Variants in HMCN1 observed in about 807,000 individuals in gnomAD.
The protein encoded by HMCN1 is hemicentin 1.
In HMCN1, 321 loss-of-function variants were observed where a neutral mutation model predicts 625.9. The observed-to-expected ratio is 0.51, with a 90% CI of 0.47 to 0.56. The LOEUF (loss-of-function observed/expected upper bound fraction) is 0.56, where lower values mean the gene tolerates loss of function less well. Among genes scored for constraint, HMCN1 ranks in the 20% least tolerant of loss-of-function variants. The probability of loss-of-function intolerance (pLI) is 0.00; values close to 1 mark genes in which losing one functional copy is unlikely to be tolerated. For missense variants in HMCN1, 6,588 were observed against 6,887.3 expected, an observed-to-expected ratio of 0.96 and a Z score of 1.54; for synonymous variants, 2,425 against 2,417.6, an observed-to-expected ratio of 1.00 and a Z score of -0.09.
chr1:185,794,502 A>G lies in HMCN1; in HGVS notation c.269-51524A>G, dbSNP rs182249738. On this transcript the variant is annotated intron_variant, in intron 1 of 106. Coordinates refer to ENST00000271588, the MANE Select transcript of HMCN1 (RefSeq NM_031935.3). Reference sequence around the variant, plus strand: ...AAAAAGAAAAAAAAGAAAAAAAAAGAAAAAAAAGAGAACTTGGAGTTTGAT... The same window carrying G: ...AAAAAGAAAAAAAAGAAAAAAAAAGGAAAAAAAGAGAACTTGGAGTTTGAT... Among the ~76,000 whole-genome samples, 823 of 146,864 alleles carry G rather than the reference A, an allele frequency of 5.6e-3. 6 individuals carry two copies. The highest frequency in any genetic ancestry group is 0.021 in the African/African-American group (783 of 36,758).
At chr1:186,142,539 G>A (rs1245977299) in intron 89 of HMCN1, among the ~76,000 whole-genome samples, 4 of 152,142 alleles carry the variant, frequency 2.6e-5, no homozygotes, top group Non-Finnish European at 5.9e-5. Flanking sequence ...GGATTGCAGG[G>A]TCAAATGGTA....
intron 6 of HMCN1, among the ~76,000 whole-genome samples, chr1:185,921,266 C>A (rs1269569071): frequency 6.6e-6 from 1 of 152,026 alleles, no homozygotes; most frequent in Non-Finnish European, 1.5e-5. Context: ...TTTCTTCTTT[C>A]TCCCCTTCAT....
chr1:185,818,911 CTTT>C (rs200463566), intron 1 of HMCN1, among the ~76,000 whole-genome samples: 2 of 143,750 alleles, frequency 1.4e-5, no homozygotes, highest in Non-Finnish European at 1.5e-5. Flanking sequence ...GCAATTTTAC[CTTT>C]TTTTTTTTTG....
intron 1 of HMCN1, among the ~76,000 whole-genome samples, chr1:185,836,090 T>A (rs1027805729): frequency 3.9e-5 from 6 of 152,152 alleles, no homozygotes; most frequent in African/African-American, 1.4e-4. Flanking sequence ...CTCACAACAT[T>A]AACAGATAAT....
chr1:186,074,672 T>C, intron 52 of HMCN1, 69 bp from the exon 53 acceptor site: 1 of 1,365,638 alleles, frequency 7.3e-7, no homozygotes, highest in Non-Finnish European at 1.0e-6. Context: ...ACAAAAACTA[T>C]CAACTGCATG....
Position 185,776,778 on chromosome 1 carries a change from A to G in HMCN1, c.268+41731A>G, listed in dbSNP as rs186921708. On this transcript the variant is annotated intron_variant, in intron 1 of 106. Coordinates refer to ENST00000271588, the MANE Select transcript of HMCN1 (RefSeq NM_031935.3). ...ATATGAATGGCATGTATGTTTCCCT[A>G]TAAGTGGTTGCCTGTTTCAGATGTT... is the stretch of plus-strand genomic sequence containing the variant. Among the ~76,000 whole-genome samples, 21 of 152,336 alleles carry G rather than the reference A, an allele frequency of 1.4e-4. No individual in the cohort carries two copies. The East Asian group carries it at 3.7e-3, about 27-fold the overall frequency.
At chr1:185,790,380 G>T (rs1031280704) in intron 1 of HMCN1, among the ~76,000 whole-genome samples, 1 of 152,146 alleles carries the variant, frequency 6.6e-6, no homozygotes, top group Non-Finnish European at 1.5e-5. Flanking sequence ...AGACTGTGAT[G>T]CTACCACTGC....
chr1:185,819,808 C>G (rs1660075350), intron 1 of HMCN1, among the ~76,000 whole-genome samples: 1 of 152,158 alleles, frequency 6.6e-6, no homozygotes, highest in Admixed American at 6.5e-5. Flanking sequence ...CTGGGTGTTT[C>G]CATGGTGGAA....
At chr1:185,985,528 G>A (rs11800686) in intron 19 of HMCN1, among the ~76,000 whole-genome samples, 4,602 of 152,260 alleles carry the variant, frequency 0.03, 244 homozygotes, top group African/African-American at 0.1. Flanking sequence ...TCAGAGGGGC[G>A]AGGATACAGA....
chr1:186,179,563 T>C lies in HMCN1; in HGVS notation c.16294+797T>C, dbSNP rs577592535. 2.6e-5 allele frequency among the ~76,000 whole-genome samples: 4 copies of C among 152,248 alleles called. No homozygotes were observed. The East Asian group carries it at 7.7e-4, about 29-fold the overall frequency. ...AAGCAGGAATTAGTTTTACTATTTG[T>C]TAGCTGGAAAAAATAAGCAAAGAAA... is the stretch of plus-strand genomic sequence containing the variant. On this transcript the variant is annotated intron_variant, in intron 104 of 106. Transcript: ENST00000271588.
At chr1:186,179,536 G>A (rs914626729) in intron 104 of HMCN1, among the ~76,000 whole-genome samples, 1 of 152,074 alleles carries the variant, frequency 6.6e-6, no homozygotes, top group African/African-American at 2.4e-5. Flanking sequence ...AGGGGAATTA[G>A]CAAGCAGGAA....
intron 4 of HMCN1, among the ~76,000 whole-genome samples, chr1:185,905,024 G>T (rs1666019286): frequency 6.6e-6 from 1 of 151,630 alleles, no homozygotes. Flanking sequence ...AAAATCCTAA[G>T]CTAACCAACT....
intron 1 of HMCN1, among the ~76,000 whole-genome samples, chr1:185,771,245 G>T (rs1346918622): frequency 6.6e-6 from 1 of 152,172 alleles, no homozygotes; most frequent in Admixed American, 6.6e-5. Flanking sequence ...ATGCAATTAA[G>T]ATTCTCTACA....
chr1:185,952,845 C>G (rs1649317731), intron 11 of HMCN1, among the ~76,000 whole-genome samples: 1 of 150,890 alleles, frequency 6.6e-6, no homozygotes, highest in Non-Finnish European at 1.5e-5. Flanking sequence ...GTTTCTTGCC[C>G]TCCAGAAAAG....
Position 186,189,548 on chromosome 1 carries a change from A to G in HMCN1, c.16578A>G (p.Glu5526=). 6.2e-7 allele frequency: 1 copy of G among 1,613,592 alleles called. No homozygotes were observed. The highest frequency in any genetic ancestry group is 8.5e-7 in the Non-Finnish European group (1 of 1,179,768). Residue 5526 remains glutamate, a synonymous_variant, in exon 107 of 107, where the codon GAA becomes GAG. Transcript: ENST00000271588. ...CLKNCPPNDL[E]CALSPYALEY... Reference sequence around the variant, plus strand: ...AGAACTGTCCACCCAATGATTTGGAATGTGCCTTGAGCCCATATGCCTTGG... The same window carrying G: ...AGAACTGTCCACCCAATGATTTGGAGTGTGCCTTGAGCCCATATGCCTTGG...
intron 29 of HMCN1, among the ~76,000 whole-genome samples, chr1:186,005,952 A>G (rs1206177884): frequency 6.6e-6 from 1 of 152,138 alleles, no homozygotes; most frequent in Non-Finnish European, 1.5e-5. Context: ...CTTGGCCAAC[A>G]TGGTGAAACT....
At position 186,053,913 on chromosome 1, in the gene HMCN1, T is replaced by C. The variant is rs779652385; in HGVS notation, c.6789T>C (p.Asp2263=). 6.8e-6 allele frequency: 11 copies of C among 1,612,846 alleles called. No homozygotes were observed. Among genetic ancestry groups the C allele is most frequent in the Non-Finnish European group, 9.3e-6 (11 of 1,179,250 alleles). The part of the protein sequence containing the change: ...QLQISIAEKS[D]AALYSCVASN... The stretch of plus-strand genomic sequence containing the variant: ...AAATTTCAATTGCTGAAAAGTCTGA[T>C]GCAGCACTCTATTCATGTGTGGCGT... The change falls in exon 44 of 107, where the codon GAT becomes GAC. Residue 2263 remains aspartate (D), a synonymous_variant. Coordinates refer to ENST00000271588, the MANE Select transcript of HMCN1 (RefSeq NM_031935.3).
chr1:185,983,885 C>T (rs778781196), intron 18 of HMCN1, among the ~76,000 whole-genome samples: 14 of 152,152 alleles, frequency 9.2e-5, no homozygotes, highest in Non-Finnish European at 2.1e-4. Flanking sequence ...ACAAAATTTA[C>T]AGGAACATTA....
At chr1:186,108,696 T>C in intron 71 of HMCN1, 99 bp downstream of exon 71, 1 of 1,304,744 alleles carries the variant, frequency 7.7e-7, no homozygotes, top group Non-Finnish European at 1.1e-6. Context: ...CCAACTAACA[T>C]CAGGCTACTA....
Sources: gnomAD v4.1 joint callset for allele counts (sites outside exome capture counted in the v4.1 genomes callset) on GRCh38, gnomAD v4.1.1 for gene constraint, MANE v1.5 for transcripts, NCBI Gene and HGNC (gene_info 2026-07-23, HGNC 2026-07-21) for gene names.